Variants in IMMP2L observed in about 807,000 individuals in gnomAD.
IMMP2L encodes inner mitochondrial membrane peptidase subunit 2.
Under a neutral mutation model 19.3 loss-of-function variants are expected in IMMP2L, and 18 were observed. That is an observed-to-expected ratio of 0.93 (90% CI 0.64 to 1.38). IMMP2L has a LOEUF of 1.38. IMMP2L is among the 40% of genes most tolerant of loss of function. The pLI, the probability that IMMP2L is intolerant of heterozygous loss-of-function variation, is 0.00. For synonymous variants in IMMP2L, 76 were observed against 73.0 expected (o/e 1.04, Z -0.21); for missense variants, 233 against 218.2 (o/e 1.07, Z -0.43).
At chr7:110,995,458 G>C (rs1049293613) in intron 3 of IMMP2L, among the ~76,000 whole-genome samples, 1 of 152,126 alleles carries the variant, frequency 6.6e-6, no homozygotes, top group South Asian at 2.1e-4. Flanking sequence ...GGCTATCGAA[G>C]TGATGAGAGA....
chr7:110,895,813 C>A (rs1585175284), intron 4 of IMMP2L, among the ~76,000 whole-genome samples: 1 of 152,124 alleles, frequency 6.6e-6, no homozygotes, highest in East Asian at 1.9e-4. Flanking sequence ...AATTGTAACT[C>A]CCAGTTTTTC....
In IMMP2L at chr7:111,213,855, A is replaced by G. The variant is rs771312793; in HGVS notation, c.240-250290T>C. Among the ~76,000 whole-genome samples, 7 of 152,286 alleles carry G rather than the reference A, an allele frequency of 4.6e-5. No individual in the cohort carries two copies. The highest frequency in any genetic ancestry group is 9.6e-5 in the African/African-American group (4 of 41,564). On this transcript the variant is annotated intron_variant, in intron 3 of 5. Coordinates refer to ENST00000405709, the MANE Select transcript of IMMP2L (RefSeq NM_032549.4). The surrounding 1 kb of genome is among the most constrained non-coding windows in gnomAD (Gnocchi z 4.8). ...CTCCTCGGAGCTGTTCTGTTGCTCA[A>G]TAAAGTTCCTCTTTGCCTTGTTCAT...
intron 5 of IMMP2L, among the ~76,000 whole-genome samples, chr7:110,768,079 A>G (rs945552357): frequency 2.0e-5 from 3 of 152,160 alleles, no homozygotes; most frequent in African/African-American, 7.2e-5. Context: ...TAAGAGTTTC[A>G]GGACTAATAG....
intron 3 of IMMP2L, among the ~76,000 whole-genome samples, chr7:111,088,945 T>C (rs940508949): frequency 8.5e-5 from 13 of 152,232 alleles, no homozygotes; most frequent in African/African-American, 3.1e-4. Context: ...CCAGAGTCAT[T>C]TTCTCTTTCA....
chr7:111,069,164 G>A (rs1794748282), intron 3 of IMMP2L, among the ~76,000 whole-genome samples: 1 of 152,184 alleles, frequency 6.6e-6, no homozygotes, highest in Non-Finnish European at 1.5e-5. Flanking sequence ...GTCTATTAAA[G>A]CAAACAGATT....
At chr7:111,190,904 T>C (rs1808790491) in intron 3 of IMMP2L, among the ~76,000 whole-genome samples, 1 of 152,100 alleles carries the variant, frequency 6.6e-6, no homozygotes, top group Non-Finnish European at 1.5e-5. Flanking sequence ...GTGCCACAAA[T>C]TTAACAGTCA....
intron 3 of IMMP2L, among the ~76,000 whole-genome samples, chr7:111,375,570 G>C (rs893940296): frequency 1.3e-5 from 2 of 151,846 alleles, no homozygotes; most frequent in African/African-American, 2.4e-5. Flanking sequence ...CTTTCACCCA[G>C]GATGGAGTGC....
chr7:111,074,602 T>C (rs1795231446), intron 3 of IMMP2L, among the ~76,000 whole-genome samples: 1 of 152,056 alleles, frequency 6.6e-6, no homozygotes, highest in South Asian at 2.1e-4. Flanking sequence ...AAAGGGAAGT[T>C]GGCTCACAGA....
chr7:111,390,437 T>C (rs1832233355), intron 3 of IMMP2L: 1 of 152,220 alleles, frequency 6.6e-6, no homozygotes, highest in Admixed American at 6.6e-5. Context: ...GGACCTCTTT[T>C]GTGACTTGAC....
chr7:111,036,541 C>T (rs930742435), intron 3 of IMMP2L, among the ~76,000 whole-genome samples: 17 of 152,244 alleles, frequency 1.1e-4, no homozygotes, highest in African/African-American at 3.6e-4. Flanking sequence ...TTATAAGCAT[C>T]AGGATCCTCT....
chr7:111,547,696 C>T (rs964761011), intron 1 of IMMP2L, among the ~76,000 whole-genome samples: 11 of 149,750 alleles, frequency 7.3e-5, no homozygotes, highest in African/African-American at 1.5e-4. Flanking sequence ...GCTGGGACTA[C>T]CCATGGGCAC....
intron 3 of IMMP2L, among the ~76,000 whole-genome samples, chr7:111,073,467 G>A (rs1397228394): frequency 6.6e-6 from 1 of 152,038 alleles, no homozygotes; most frequent in Non-Finnish European, 1.5e-5. Context: ...CCCTGAGATA[G>A]TTTTTTTCAT....
At chr7:111,524,726 C>G (rs1250186962) in intron 1 of IMMP2L, among the ~76,000 whole-genome samples, 1 of 152,142 alleles carries the variant, frequency 6.6e-6, no homozygotes, top group Admixed American at 6.5e-5. Context: ...AATGTCTCCT[C>G]ACATTTAGTT....
chr7:111,176,430 A>G (rs1807070420), intron 3 of IMMP2L, among the ~76,000 whole-genome samples: 1 of 152,050 alleles, frequency 6.6e-6, no homozygotes, highest in African/African-American at 2.4e-5. Flanking sequence ...ATGGAGTACT[A>G]TTCGACTATA....
intron 5 of IMMP2L, among the ~76,000 whole-genome samples, chr7:110,787,857 C>CAAA (rs61235379): frequency 0.062 from 9,406 of 150,798 alleles, 311 homozygotes; most frequent in Middle Eastern, 0.088. Context: ...CCAGGAAGGA[C>CAAA]AAAAAAAACA....
intron 3 of IMMP2L, among the ~76,000 whole-genome samples, chr7:111,301,685 T>A (rs1445344252): frequency 2.0e-5 from 3 of 152,032 alleles, no homozygotes; most frequent in African/African-American, 7.2e-5. Context: ...ATGTCCAGTT[T>A]CTCCAGCATC....
Position 110,815,882 on chromosome 7 carries a change from G to A in IMMP2L, c.408+70711C>T, listed in dbSNP as rs539479380. On this transcript the variant is annotated intron_variant, in intron 5 of 5. Coordinates refer to ENST00000405709, the MANE Select transcript of IMMP2L (RefSeq NM_032549.4). ...TTTCTTCTTTATTAGTCTTGCTAGCGGTCTATCAATTTTCTTGATCTTTTC... is the reference window on the plus strand; with the variant it reads ...TTTCTTCTTTATTAGTCTTGCTAGCAGTCTATCAATTTTCTTGATCTTTTC... Among the ~76,000 whole-genome samples the A allele has an allele frequency of 3.3e-5, 5 of 151,820 alleles. No homozygotes were observed. The East Asian group carries it at 5.8e-4, about 18-fold the overall frequency.
chr7:110,910,902 C>G (rs1442275649), intron 4 of IMMP2L, among the ~76,000 whole-genome samples: 1 of 151,824 alleles, frequency 6.6e-6, no homozygotes, highest in African/African-American at 2.4e-5. Context: ...CTAGGAGAAG[C>G]CTGTATATAA....
At chr7:111,195,731 G>C (rs893104710) in intron 3 of IMMP2L, among the ~76,000 whole-genome samples, 1 of 98 alleles carries the variant, frequency 0.01, no homozygotes, top group Non-Finnish European at 0.019. Flanking sequence ...GTGTTTTCCA[G>C]AGCATGATAA....
Sources: allele counts gnomAD v4.1 joint callset (sites outside exome capture counted in the v4.1 genomes callset), GRCh38; gene constraint gnomAD v4.1.1; non-coding constraint Gnocchi (gnomAD v3.1); transcripts MANE v1.5; gene names NCBI Gene and HGNC (gene_info 2026-07-23, HGNC 2026-07-21).